Variants in LDLRAD4 observed in about 807,000 individuals in gnomAD.
LDLRAD4 encodes the protein low density lipoprotein receptor class A domain containing 4, also known as low-density lipoprotein receptor class A domain-containing protein 4.
In LDLRAD4, 5 loss-of-function variants were observed where a neutral mutation model predicts 17.0. The observed-to-expected ratio is 0.29, with a 90% CI of 0.15 to 0.62. The LOEUF is 0.62. LDLRAD4 is among the 20% of genes least tolerant of loss of function. The probability of loss-of-function intolerance (pLI) is 0.84; values close to 1 mark genes in which losing one functional copy is unlikely to be tolerated. For missense variants in LDLRAD4, 340 were observed against 424.7 expected, an observed-to-expected ratio of 0.80 and a Z score of 1.75; for synonymous variants, 168 against 171.8, an observed-to-expected ratio of 0.98 and a Z score of 0.17.
At chr18:13,324,786 C>T (rs770834720) in intron 1 of LDLRAD4, among the ~76,000 whole-genome samples, 27 of 151,992 alleles carry the variant, frequency 1.8e-4, no homozygotes, top group Non-Finnish European at 2.6e-4. Context: ...AAAAGGGTTT[C>T]GACAACTTCA....
chr18:13,546,640 CTG>C (rs1459538840), intron 3 of LDLRAD4, among the ~76,000 whole-genome samples: 1 of 152,008 alleles, frequency 6.6e-6, no homozygotes, highest in Non-Finnish European at 1.5e-5. Context: ...CTGAATAACA[CTG>C]GTGGAATTAC....
intron 3 of LDLRAD4, among the ~76,000 whole-genome samples, chr18:13,506,028 C>T (rs1019532192): frequency 2.0e-5 from 3 of 151,726 alleles, no homozygotes; most frequent in African/African-American, 7.3e-5. Context: ...CACTTGTTCT[C>T]CTGTGTGCTC....
chr18:13,391,449 C>T (rs141554790), intron 2 of LDLRAD4, among the ~76,000 whole-genome samples: 213 of 152,230 alleles, frequency 1.4e-3, no homozygotes, highest in Middle Eastern at 3.4e-3. Context: ...GACCTCGTGC[C>T]TCCTGGGTGA....
At chr18:13,355,556 T>C (rs1016830955) in intron 1 of LDLRAD4, among the ~76,000 whole-genome samples, 1 of 152,252 alleles carries the variant, frequency 6.6e-6, no homozygotes, top group African/African-American at 2.4e-5. Flanking sequence ...TACTAAGACC[T>C]ATGCTGTCTG....
intron 3 of LDLRAD4, among the ~76,000 whole-genome samples, chr18:13,473,752 C>G (rs1219738003): frequency 6.8e-6 from 1 of 147,936 alleles, no homozygotes; most frequent in African/African-American, 2.5e-5. Context: ...GATCCAAATT[C>G]AAACACTTTC....
chr18:13,376,126 G>T (rs1568068857), intron 1 of LDLRAD4, among the ~76,000 whole-genome samples: 1 of 152,130 alleles, frequency 6.6e-6, no homozygotes, highest in Non-Finnish European at 1.5e-5. Context: ...TCTGTTGCGG[G>T]AAAGCTGCCC....
intron 3 of LDLRAD4, among the ~76,000 whole-genome samples, chr18:13,563,534 T>G (rs1222036550): frequency 6.6e-6 from 1 of 152,162 alleles, no homozygotes. Context: ...GGGAGCAGAA[T>G]GGACATGTTC....
intron 3 of LDLRAD4, among the ~76,000 whole-genome samples, chr18:13,490,858 T>G (rs1478970744): frequency 6.6e-6 from 1 of 152,196 alleles, no homozygotes; most frequent in African/African-American, 2.4e-5. Context: ...CTTGGCTCAT[T>G]GGCATGGCAG....
chr18:13,563,946 C>A (rs1403706254), intron 3 of LDLRAD4, among the ~76,000 whole-genome samples: 1 of 150,162 alleles, frequency 6.7e-6, no homozygotes, highest in Non-Finnish European at 1.5e-5. Flanking sequence ...CTCTCTCTCA[C>A]CTAAACTGGA....
intron 1 of LDLRAD4, among the ~76,000 whole-genome samples, chr18:13,257,990 T>C (rs1199237998): frequency 6.6e-6 from 1 of 152,126 alleles, no homozygotes; most frequent in African/African-American, 2.4e-5. Context: ...GCCGAGGAAT[T>C]GGAGGCTGTG....
chr18:13,634,531 T>A (rs1568435392), intron 4 of LDLRAD4, among the ~76,000 whole-genome samples: 1 of 152,176 alleles, frequency 6.6e-6, no homozygotes, highest in African/African-American at 2.4e-5. Context: ...ACTTGTGCAC[T>A]GAGCAATAGA....
intron 3 of LDLRAD4, among the ~76,000 whole-genome samples, chr18:13,549,889 A>T (rs1023755689): frequency 6.6e-6 from 1 of 152,060 alleles, no homozygotes; most frequent in Admixed American, 6.5e-5. Flanking sequence ...TTCAGGCACC[A>T]CCGCTTTAGA....
chr18:13,327,550 A>G (rs2081601401), intron 1 of LDLRAD4, among the ~76,000 whole-genome samples: 1 of 152,114 alleles, frequency 6.6e-6, no homozygotes, highest in Non-Finnish European at 1.5e-5. Flanking sequence ...GATGGAGAGG[A>G]AGTGGAGAGA....
exon 6 of LDLRAD4, chr18:13,651,192 G>A (rs1469880581): frequency 6.6e-6 from 1 of 152,210 alleles, no homozygotes; most frequent in Admixed American, 6.5e-5. Flanking sequence ...CAGAAACTGT[G>A]TCAGAGGAAT....
chr18:13,438,878 G>A (rs576183423), intron 3 of LDLRAD4, among the ~76,000 whole-genome samples: 84 of 152,314 alleles, frequency 5.5e-4, no homozygotes, highest in Non-Finnish European at 1.0e-3. Flanking sequence ...CCAAGGCTGA[G>A]GCTTTGAGCA....
rs751899711 is a variant in LDLRAD4 at position 13,621,082 on chromosome 18, G to T, written c.182-35G>T. 2 of 1,613,912 alleles carry T rather than the reference G, an allele frequency of 1.2e-6. No individual in the cohort carries two copies. The highest frequency in any genetic ancestry group is 3.3e-5 in the Admixed American group (2 of 60,012). ...TGGAGAATGGGTGGGGACTGGAGGG[G>T]CCAGGTGGCTAACCACTCTCCTCTT... On this transcript the variant is annotated intron_variant, in intron 3 of 5. Transcript: ENST00000359446. This position sits in a 1 kb window ranked among gnomAD's most constrained non-coding sequence, Gnocchi z 5.5.
intron 3 of LDLRAD4, among the ~76,000 whole-genome samples, chr18:13,618,632 A>G (rs1267193349): frequency 2.0e-5 from 3 of 152,198 alleles, no homozygotes; most frequent in African/African-American, 4.8e-5. Context: ...CTCTATATCC[A>G]TGTCCATAAA....
intron 3 of LDLRAD4, among the ~76,000 whole-genome samples, chr18:13,465,808 A>G (rs1438723835): frequency 1.3e-5 from 2 of 152,214 alleles, no homozygotes; most frequent in Non-Finnish European, 2.9e-5. Context: ...TTTGAAAGCA[A>G]TGCTGAGTTG....
upstream of LDLRAD4, among the ~76,000 whole-genome samples, chr18:13,276,918 A>T (rs946656549): frequency 6.6e-6 from 1 of 152,262 alleles, no homozygotes; most frequent in Middle Eastern, 3.4e-3. Flanking sequence ...CGTTCCCAAG[A>T]AATCTGAGCG....
Sources: allele counts gnomAD v4.1 joint callset (sites outside exome capture counted in the v4.1 genomes callset), GRCh38; gene constraint gnomAD v4.1.1; non-coding constraint Gnocchi (gnomAD v3.1); transcripts MANE v1.5; gene names NCBI Gene and HGNC (gene_info 2026-07-23, HGNC 2026-07-21).